GMNC: variants seen among roughly 807,000 people sequenced by gnomAD.
GMNC encodes the protein geminin coiled-coil domain-containing protein 1.
A neutral mutation model predicts 33.6 loss-of-function variants in GMNC; 16 were observed. The ratio of observed to expected loss-of-function variants is 0.48; its 90% CI spans 0.32 to 0.72. GMNC has a LOEUF of 0.72. GMNC is among the 30% of genes least tolerant of loss of function. The pLI is 0.03. For synonymous variants in GMNC, 156 were observed against 147.3 expected (o/e 1.06, Z -0.43); for missense variants, 393 against 388.9 (o/e 1.01, Z -0.09).
Position 190,862,541 on chromosome 3 carries a change from A to T in GMNC, c.3+72T>A. 8.5e-7 allele frequency: 1 copy of T among 1,169,996 alleles called. No individual in the cohort carries two copies. Among genetic ancestry groups the T allele is most frequent in the Non-Finnish European group, 1.3e-6 (1 of 798,276 alleles). 72.5% of individuals were successfully genotyped at this position (1,169,996 alleles called of 1,614,324 possible). On this transcript the variant is annotated intron_variant, in intron 1 of 4. Transcript: ENST00000442080. This position sits in a 1 kb window ranked among gnomAD's most constrained non-coding sequence, Gnocchi z 4.5. ...TTGCTCCGAAGGTGGAATAAATTCTAAATGCAAAGCTTATTAACTTTCAGA... is the reference window on the plus strand; with the variant it reads ...TTGCTCCGAAGGTGGAATAAATTCTTAATGCAAAGCTTATTAACTTTCAGA...
At chr3:190,855,971 A>C in intron 4 of GMNC, 56 bp from the exon 5 acceptor site, 2 of 1,322,796 alleles carry the variant, frequency 1.5e-6, no homozygotes, top group Non-Finnish European at 2.0e-6. Flanking sequence ...TAGTTAACTA[A>C]ATTATTTCGG....
At chr3:190,856,785 A>G (rs1347364158) in intron 4 of GMNC, among the ~76,000 whole-genome samples, 1 of 151,790 alleles carries the variant, frequency 6.6e-6, no homozygotes, top group Non-Finnish European at 1.5e-5. Context: ...ATATTATTAT[A>G]TTATTCTAAA....
chr3:190,850,541 C>T (rs1737617311), downstream of GMNC, among the ~76,000 whole-genome samples: 1 of 152,230 alleles, frequency 6.6e-6, no homozygotes, highest in South Asian at 2.1e-4. Context: ...CTGGCCTCTC[C>T]TGTTCCTATG....
rs1342749342 is a variant in GMNC, at chr3:190,855,638, C to G, written c.662G>C (p.Ser221Thr). 6.4e-7 allele frequency: 1 copy of G among 1,551,454 alleles called. No individual in the cohort carries two copies. Among genetic ancestry groups the G allele is most frequent in the Non-Finnish European group, 8.7e-7 (1 of 1,146,908 alleles). ...ATCATCCGGAAACTGGGAAAATGTG[C>G]TGGCGACTCTTCTGGGATGAGATGC... ...ALASHPRRVA[S>T]TFSQFPDDAV... Residue 221 changes from serine to threonine, a missense_variant, in exon 5 of 5, where the codon AGC becomes ACC. Ser to Thr is a moderately conservative substitution (Grantham distance 58). Coordinates refer to ENST00000442080, the MANE Select transcript of GMNC (RefSeq NM_001146686.3).
At chr3:190,848,128 AT>A (rs768558669), downstream of GMNC, among the ~76,000 whole-genome samples, 5 of 152,224 alleles carry the variant, frequency 3.3e-5, no homozygotes, top group Non-Finnish European at 7.3e-5. Flanking sequence ...ATGAAAAGTG[AT>A]GCTTTGAGGT....
rs1307464162 is a variant in GMNC at position 190,861,176 on chromosome 3, C to G, written c.4-318G>C. Among the ~76,000 whole-genome samples the G allele has an allele frequency of 6.6e-6, 1 of 152,142 alleles. No individual in the cohort carries two copies. Among genetic ancestry groups the G allele is most frequent in the Non-Finnish European group, 1.5e-5 (1 of 68,034 alleles). On this transcript the variant is annotated intron_variant, in intron 1 of 4. Coordinates refer to ENST00000442080, the MANE Select transcript of GMNC (RefSeq NM_001146686.3). The surrounding 1 kb of genome is among the most constrained non-coding windows in gnomAD (Gnocchi z 5.1). ...TGCAACGACCAGCCCATCTAATAGT[C>G]TACCCAGATCTAAATAAAGGGAATT... is the stretch of plus-strand genomic sequence containing the variant.
intron 4 of GMNC, among the ~76,000 whole-genome samples, chr3:190,857,359 T>C (rs1245479782): frequency 6.6e-6 from 1 of 152,064 alleles, no homozygotes. Flanking sequence ...TTTTAAAAGA[T>C]ATTTTAGACC....
chr3:190,849,482 T>A (rs1322701441), downstream of GMNC, among the ~76,000 whole-genome samples: 1 of 152,202 alleles, frequency 6.6e-6, no homozygotes, highest in Non-Finnish European at 1.5e-5. Context: ...GATTCTGAAT[T>A]CTCAGCGCAT....
In GMNC at chr3:190,855,537, T is replaced by C. The variant is rs1255758821; in HGVS notation, c.763A>G (p.Ser255Gly). The change falls in exon 5 of 5, where the codon AGC becomes GGC. Residue 255 changes from serine (S) to glycine (G), a missense_variant. Coordinates refer to ENST00000442080, the MANE Select transcript of GMNC (RefSeq NM_001146686.3). ...YRGDRTTPLH[S>G]TATHGEDFHI... ...AAATCTTCTCCATGAGTGGCAGTGC[T>C]GTGCAAGGGGGTTGTTCTGTCACCT... 6.4e-7 allele frequency: 1 copy of C among 1,551,686 alleles called. No homozygotes were observed. The highest frequency in any genetic ancestry group is 8.7e-7 in the Non-Finnish European group (1 of 1,146,932).
At position 190,855,105 on chromosome 3, in the gene GMNC, C is replaced by T. The variant is rs775006868; in HGVS notation, c.*190G>A. ...AAGTCAAATTTAGGTAAAAGAAGCG[C>T]GGACACGTTTCATTATGGATTCTTG... On this transcript the variant is annotated 3_prime_UTR_variant, in exon 5 of 5. Transcript: ENST00000442080. 5.8e-5 allele frequency: 35 copies of T among 606,698 alleles called. No individual in the cohort carries two copies. The highest frequency in any genetic ancestry group is 2.0e-4 in the African/African-American group (11 of 53,868). The allele number at this position is 606,698 out of a possible 1,614,324, so 37.6% of individuals were successfully genotyped here. A position where few individuals can be genotyped will look rare whatever the true frequency, so the allele number is the denominator to read the frequency against.
rs1454801563 is a variant in GMNC at position 190,853,794 on chromosome 3, A to G, written c.*1501T>C. ...TTCTGGGAATGATAGGGGTCTTGAGAGATGGGAAAGAAGAAAACTAGCACA... is the reference window on the plus strand; with the variant it reads ...TTCTGGGAATGATAGGGGTCTTGAGGGATGGGAAAGAAGAAAACTAGCACA... On this transcript the variant is annotated 3_prime_UTR_variant, in exon 5 of 5. Coordinates refer to ENST00000442080, the MANE Select transcript of GMNC (RefSeq NM_001146686.3). 6.6e-6 allele frequency: 1 copy of G among 152,160 alleles called. No homozygotes were observed. The highest frequency in any genetic ancestry group is 2.4e-5 in the African/African-American group (1 of 41,444). 9.4% of individuals were successfully genotyped at this position (152,160 alleles called of 1,614,324 possible). A position where few individuals can be genotyped will look rare whatever the true frequency, so the allele number is the denominator to read the frequency against.
At chr3:190,844,479 T>C in the GMNC span, among the ~76,000 whole-genome samples, 5 of 151,062 alleles carry the variant, frequency 3.3e-5, no homozygotes, top group South Asian at 2.1e-4. Flanking sequence ...TATAAGAATA[T>C]ATAAAATTCC....
chr3:190,844,536 ATGT>A, the GMNC span, among the ~76,000 whole-genome samples: 2 of 151,726 alleles, frequency 1.3e-5, no homozygotes, highest in East Asian at 3.9e-4. Context: ...AAGGAAAAAT[ATGT>A]TATTAGGGAA....
At chr3:190,844,872 A>G in the GMNC span, among the ~76,000 whole-genome samples, 1 of 152,178 alleles carries the variant, frequency 6.6e-6, no homozygotes, top group African/African-American at 2.4e-5. Context: ...ATACAGAAGA[A>G]AAGGAGGGAT....
chr3:190,853,566 C>T lies in GMNC; in HGVS notation c.*1729G>A, dbSNP rs909141622. 10 of 151,862 alleles carry T rather than the reference C, an allele frequency of 6.6e-5. No individual in the cohort carries two copies. Among genetic ancestry groups the T allele is most frequent in the African/African-American group, 2.4e-4 (10 of 41,350 alleles). 9.4% of individuals were successfully genotyped at this position (151,862 alleles called of 1,614,324 possible). On this transcript the variant is annotated 3_prime_UTR_variant, in exon 5 of 5. Coordinates refer to ENST00000442080, the MANE Select transcript of GMNC (RefSeq NM_001146686.3). ...TACATCACCAAAATAAAGCAACAAC[C>T]AAACAGAAACAACAATGAAAGGCAT...
At position 190,854,759 on chromosome 3, in the gene GMNC, C is replaced by T. The variant is rs955418537; in HGVS notation, c.*536G>A. 4 of 164,538 alleles carry T rather than the reference C, an allele frequency of 2.4e-5. No homozygotes were observed. The highest frequency in any genetic ancestry group is 1.7e-4 in the Admixed American group (3 of 18,060). The allele number at this position is 164,538 out of a possible 1,614,324, so 10.2% of individuals were successfully genotyped here. Reference sequence around the variant, plus strand: ...GAACTGCCATGAACATAATGCTACACACATCCACATTATGTCTTCAGGAGT... The same window carrying T: ...GAACTGCCATGAACATAATGCTACATACATCCACATTATGTCTTCAGGAGT... On this transcript the variant is annotated 3_prime_UTR_variant, in exon 5 of 5. Transcript: ENST00000442080.
chr3:190,844,414 G>A, the GMNC span, among the ~76,000 whole-genome samples: 2 of 151,292 alleles, frequency 1.3e-5, no homozygotes, highest in Non-Finnish European at 3.0e-5. Context: ...ATACAATGAA[G>A]TTGCAATTGT....
chr3:190,844,333 C>T, the GMNC span, among the ~76,000 whole-genome samples: 7 of 151,814 alleles, frequency 4.6e-5, no homozygotes, highest in Non-Finnish European at 1.0e-4. Context: ...ACCCCAAACG[C>T]TTTTTGTTGT....
rs1737715086 is a variant in GMNC, at chr3:190,855,584, T to TTTTATA, written c.715_716insTATAAA (p.Glu239delinsValTer). 1 of 1,551,196 alleles carries TTTTATA rather than the reference T, an allele frequency of 6.4e-7. No individual in the cohort carries two copies. Among genetic ancestry groups the TTTTATA allele is most frequent in the Non-Finnish European group, 8.7e-7 (1 of 1,146,658 alleles). ...ACCTCTATAGTCAATTGGCATATCC[T>TTTTATA]CTCTGGGGATATTTTTATAATCAAC... is the stretch of plus-strand genomic sequence containing the variant. On this transcript the variant is annotated stop_gained and protein_altering_variant, in exon 5 of 5. Transcript: ENST00000442080. LOFTEE classifies it high-confidence loss of function.
Sources: gnomAD v4.1 joint callset for allele counts (sites outside exome capture counted in the v4.1 genomes callset) on GRCh38, gnomAD v4.1.1 for gene constraint, Gnocchi (gnomAD v3.1) non-coding constraint, MANE v1.5 for transcripts, NCBI Gene and HGNC (gene_info 2026-07-23, HGNC 2026-07-21) for gene names.